The following WDR64 variants were observed in gnomAD, a reference collection of about 807,000 sequenced individuals.
WDR64 encodes WD repeat-containing protein 64.
Under a neutral mutation model 139.3 loss-of-function variants are expected in WDR64, and 112 were observed. The ratio of observed to expected loss-of-function variants is 0.80; its 90% CI spans 0.69 to 0.94. The LOEUF (loss-of-function observed/expected upper bound fraction) is 0.94. Ranked by LOEUF, WDR64 falls within the 40% of genes least tolerant of loss-of-function variation. The probability of loss-of-function intolerance (pLI) is 0.00; values close to 1 mark genes in which losing one functional copy is unlikely to be tolerated. For synonymous variants in WDR64, 444 were observed against 437.7 expected, an observed-to-expected ratio of 1.01 and a Z score of -0.18; for missense variants, 1,206 against 1,293.1, an observed-to-expected ratio of 0.93 and a Z score of 1.03.
chr1:241,802,175 C>G lies in WDR64; in HGVS notation c.*960C>G. On this transcript the variant is annotated 3_prime_UTR_variant, in exon 28 of 28. Coordinates refer to ENST00000437684, the MANE Select transcript of WDR64 (RefSeq NM_001367482.1). Reference sequence around the variant, plus strand: ...TTTCCACAACAGAAGAATGACTAAACAAACTATGGTAGGGTAGGACAATGG... The same window carrying G: ...TTTCCACAACAGAAGAATGACTAAAGAAACTATGGTAGGGTAGGACAATGG... 2.5e-6 allele frequency: 1 copy of G among 397,802 alleles called. No individual in the cohort carries two copies. The highest frequency in any genetic ancestry group is 4.4e-6 in the Non-Finnish European group (1 of 225,748). The allele number at this position is 397,802 out of a possible 1,614,324, so 24.6% of individuals were successfully genotyped here.
chr1:241,694,592 T>C (rs1302068617), intron 8 of WDR64, among the ~76,000 whole-genome samples: 1 of 152,232 alleles, frequency 6.6e-6, no homozygotes, highest in Non-Finnish European at 1.5e-5. Context: ...GATTATATAC[T>C]ATGCTGGCAA....
intron 24 of WDR64, among the ~76,000 whole-genome samples, chr1:241,788,377 T>A (rs1343095006): frequency 6.6e-6 from 1 of 152,174 alleles, no homozygotes; most frequent in Non-Finnish European, 1.5e-5. Context: ...ACTTTTACAA[T>A]CTTCAATCCT....
At chr1:241,721,170 C>A (rs1425294751) in intron 9 of WDR64, among the ~76,000 whole-genome samples, 1 of 152,064 alleles carries the variant, frequency 6.6e-6, no homozygotes, top group Non-Finnish European at 1.5e-5. Context: ...CTTTTCGTAC[C>A]AGTACCATGC....
chr1:241,795,140 A>G lies in WDR64; in HGVS notation c.2998-67A>G. 2.1e-6 allele frequency: 3 copies of G among 1,422,404 alleles called. No individual in the cohort carries two copies. In the East Asian group the frequency reaches 6.9e-5, roughly 33 times the overall value. 88.1% of individuals were successfully genotyped at this position (1,422,404 alleles called of 1,614,324 possible). On this transcript the variant is annotated intron_variant, in intron 25 of 27. Transcript: ENST00000437684. ...TAATAAGTGACAGAGTCAGGATTTG[A>G]ACCCAGGTATTTTACCAGTGATAGG... is the stretch of plus-strand genomic sequence containing the variant.
chr1:241,744,614 G>A (rs1669683032), intron 13 of WDR64, 98 bp downstream of exon 13: 1 of 1,518,330 alleles, frequency 6.6e-7, no homozygotes, highest in African/African-American at 1.4e-5. Context: ...AGAGCATGAA[G>A]CAGGCTGGAC....
chr1:241,675,431 A>T, intron 4 of WDR64, among the ~76,000 whole-genome samples: 1 of 152,088 alleles, frequency 6.6e-6, no homozygotes, highest in Admixed American at 6.6e-5. Flanking sequence ...TTTAGTAATG[A>T]GGAGATTGCT....
intron 14 of WDR64, among the ~76,000 whole-genome samples, chr1:241,750,318 A>G (rs114989440): frequency 1.3e-3 from 201 of 152,288 alleles, no homozygotes; most frequent in African/African-American, 4.4e-3. Context: ...ATCTCACCCC[A>G]TCACCTCGAA....
chr1:241,662,740 C>G (rs1665877590), intron 2 of WDR64, among the ~76,000 whole-genome samples: 1 of 152,102 alleles, frequency 6.6e-6, no homozygotes, highest in South Asian at 2.1e-4. Flanking sequence ...ACCATAGAGA[C>G]TTACCAGAAA....
At chr1:241,716,569 T>C (rs1180632605) in intron 9 of WDR64, among the ~76,000 whole-genome samples, 1 of 152,128 alleles carries the variant, frequency 6.6e-6, no homozygotes, top group African/African-American at 2.4e-5. Flanking sequence ...GGTCAGGTTG[T>C]ATTCCTAACC....
chr1:241,730,663 G>C (rs1351798533), intron 10 of WDR64, among the ~76,000 whole-genome samples: 2 of 152,090 alleles, frequency 1.3e-5, no homozygotes, highest in Non-Finnish European at 2.9e-5. Context: ...TGTACAACTA[G>C]GAATCCCAAC....
intron 13 of WDR64, among the ~76,000 whole-genome samples, chr1:241,748,729 G>T (rs1320762320): frequency 6.6e-6 from 1 of 152,096 alleles, no homozygotes; most frequent in East Asian, 1.9e-4. Flanking sequence ...CATGAGGTCA[G>T]GAGATCGAGA....
intron 24 of WDR64, 43 bp from the exon 25 acceptor site, chr1:241,790,547 TA>T: frequency 6.7e-7 from 1 of 1,496,020 alleles, no homozygotes; most frequent in Non-Finnish European, 9.1e-7. Context: ...TGGCAGAGAA[TA>T]AAAGGTATGG....
In WDR64 at chr1:241,774,825, A is replaced by G. The variant is rs187376084; in HGVS notation, c.2431-280A>G. On this transcript the variant is annotated intron_variant, in intron 20 of 27. Coordinates refer to ENST00000437684, the MANE Select transcript of WDR64 (RefSeq NM_001367482.1). ...GGAATTGCATGAAAAGGGTCATGGG[A>G]TATGCAAAAACAATCCCAAGTGTAG... is the stretch of plus-strand genomic sequence containing the variant. Among the ~76,000 whole-genome samples, 489 of 152,312 alleles carry G rather than the reference A, an allele frequency of 3.2e-3. 2 individuals are homozygous for G. The highest frequency in any genetic ancestry group is 0.011 in the African/African-American group (472 of 41,588).
intron 10 of WDR64, among the ~76,000 whole-genome samples, chr1:241,734,912 C>A (rs1423373581): frequency 6.6e-6 from 1 of 152,164 alleles, no homozygotes; most frequent in African/African-American, 2.4e-5. Flanking sequence ...CACACAATGA[C>A]AAAATCACCT....
chr1:241,785,308 G>A (rs531791842), intron 23 of WDR64, among the ~76,000 whole-genome samples: 4 of 152,154 alleles, frequency 2.6e-5, no homozygotes, highest in Admixed American at 6.5e-5. Context: ...AGATCAAGGC[G>A]CTGGCAGATT....
At chr1:241,730,123 G>A (rs1170573208) in intron 10 of WDR64, among the ~76,000 whole-genome samples, 1 of 152,258 alleles carries the variant, frequency 6.6e-6, no homozygotes, top group African/African-American at 2.4e-5. Context: ...AGAAAAAAGG[G>A]GTGAGGGCAC....
intron 10 of WDR64, among the ~76,000 whole-genome samples, chr1:241,735,346 T>A (rs1669256713): frequency 4.6e-5 from 1 of 21,626 alleles, no homozygotes; most frequent in African/African-American, 2.0e-4. Context: ...TGTCTTTGTG[T>A]TGTTGCTTTG....
rs147258019 is a variant in WDR64, at chr1:241,662,008, T to A, written c.276+1348T>A. On this transcript the variant is annotated intron_variant, in intron 2 of 27. Transcript: ENST00000437684. ...TACCTAGCCCTTTTCGAAAAATGTT[T>A]GCAGACTTCCAACCTTAAAGTAAAA... Among the ~76,000 whole-genome samples the A allele has an allele frequency of 4.5e-3, 682 of 152,330 alleles. 3 individuals are homozygous for A. The highest frequency in any genetic ancestry group is 0.016 in the African/African-American group (656 of 41,570).
intron 10 of WDR64, among the ~76,000 whole-genome samples, chr1:241,728,433 C>T (rs1668938432): frequency 6.6e-6 from 1 of 152,072 alleles, no homozygotes; most frequent in Non-Finnish European, 1.5e-5. Context: ...GAACAGACAA[C>T]ATCCCTTCAA....
Sources: allele counts gnomAD v4.1 joint callset (sites outside exome capture counted in the v4.1 genomes callset), GRCh38; gene constraint gnomAD v4.1.1; transcripts MANE v1.5; gene names NCBI Gene and HGNC (gene_info 2026-07-23, HGNC 2026-07-21).